Variants in CAST observed in about 807,000 individuals in gnomAD.
CAST encodes the protein calpastatin, also known as MIR583 host.
A neutral mutation model predicts 119.6 loss-of-function variants in CAST; 76 were observed. That is an observed-to-expected ratio of 0.64 (90% confidence interval 0.53 to 0.77). The LOEUF is 0.77. CAST is among the 30% of genes least tolerant of loss of function. The pLI, the probability that CAST is intolerant of heterozygous loss-of-function variation, is 0.00. For synonymous variants in CAST, 319 were observed against 331.6 expected, an observed-to-expected ratio of 0.96 and a Z score of 0.41; for missense variants, 953 against 946.5, an observed-to-expected ratio of 1.01 and a Z score of -0.09.
the CAST span, among the ~76,000 whole-genome samples, chr5:96,431,392 C>T: frequency 1.3e-5 from 2 of 152,182 alleles, no homozygotes; most frequent in Non-Finnish European, 2.9e-5. Context: ...TCCCGAATTC[C>T]CTACTACTTT....
chr5:96,000,127 G>A, the CAST span, among the ~76,000 whole-genome samples: 5 of 151,862 alleles, frequency 3.3e-5, no homozygotes, highest in South Asian at 2.1e-4. Flanking sequence ...AAAATATGTC[G>A]AGATTTTTTT....
the CAST span, among the ~76,000 whole-genome samples, chr5:96,342,826 C>T: frequency 9.2e-5 from 14 of 152,218 alleles, no homozygotes; most frequent in East Asian, 1.5e-3. Context: ...CCTGAGCCTA[C>T]GGGAATCCTG....
At chr5:96,536,465 G>A (rs1745816764) in intron 1 of CAST, among the ~76,000 whole-genome samples, 1 of 152,214 alleles carries the variant, frequency 6.6e-6, no homozygotes, top group Non-Finnish European at 1.5e-5. Context: ...GCGACATGGA[G>A]ATCAATGATG....
At chr5:96,206,631 C>T in the CAST span, among the ~76,000 whole-genome samples, 2 of 151,856 alleles carry the variant, frequency 1.3e-5, no homozygotes, top group African/African-American at 4.8e-5. Flanking sequence ...CGGCTTTATT[C>T]CTGGGCTCTC....
the CAST span, among the ~76,000 whole-genome samples, chr5:96,401,247 TG>T: frequency 9.4e-4 from 143 of 152,178 alleles, no homozygotes; most frequent in Middle Eastern, 6.8e-3. Flanking sequence ...AGGAAAACTT[TG>T]TGGGGGAGAA....
chr5:96,358,000 A>T, the CAST span, among the ~76,000 whole-genome samples: 4 of 152,142 alleles, frequency 2.6e-5, no homozygotes, highest in Non-Finnish European at 4.4e-5. Context: ...TACTGCCTCA[A>T]TTTCAGAACT....
At chr5:95,996,469 C>A in the CAST span, among the ~76,000 whole-genome samples, 1 of 152,108 alleles carries the variant, frequency 6.6e-6, no homozygotes, top group Admixed American at 6.6e-5. Flanking sequence ...ATAATGGCTT[C>A]TTTGGATACT....
chr5:96,044,108 C>T, the CAST span, among the ~76,000 whole-genome samples: 1 of 152,090 alleles, frequency 6.6e-6, no homozygotes, highest in Non-Finnish European at 1.5e-5. Context: ...CTTAGAAAAA[C>T]ACATATATTG....
At chr5:96,098,140 C>T in the CAST span, among the ~76,000 whole-genome samples, 1 of 152,148 alleles carries the variant, frequency 6.6e-6, no homozygotes, top group Non-Finnish European at 1.5e-5. Context: ...AGAGAAGTGT[C>T]TGTTCATGTC....
At chr5:96,090,736 G>A in the CAST span, among the ~76,000 whole-genome samples, 3 of 151,932 alleles carry the variant, frequency 2.0e-5, no homozygotes, top group Middle Eastern at 3.2e-3. Flanking sequence ...TCTGTGGAAT[G>A]GAGTGTGTGT....
chr5:96,373,717 C>T, the CAST span, among the ~76,000 whole-genome samples: 1 of 152,024 alleles, frequency 6.6e-6, no homozygotes, highest in Admixed American at 6.6e-5. Context: ...TTGTGCTGGA[C>T]ATGGAGCATT....
intron 29 of CAST, chr5:96,768,423 A>G (rs373449020): frequency 4.4e-6 from 2 of 456,476 alleles, no homozygotes; most frequent in East Asian, 6.9e-5. Flanking sequence ...AAACGATGAT[A>G]TAGAGAACCT....
chr5:96,463,743 C>G, the CAST span, among the ~76,000 whole-genome samples: 1 of 151,934 alleles, frequency 6.6e-6, no homozygotes, highest in African/African-American at 2.4e-5. Flanking sequence ...CGATTTCACC[C>G]CCTTCCATCT....
chr5:96,547,771 G>C (rs1746045641), intron 1 of CAST, among the ~76,000 whole-genome samples: 2 of 152,174 alleles, frequency 1.3e-5, no homozygotes, highest in African/African-American at 4.8e-5. Context: ...AGTCAAATGG[G>C]GTTGTGATAG....
chr5:96,233,593 A>G, the CAST span, among the ~76,000 whole-genome samples: 6 of 152,128 alleles, frequency 3.9e-5, no homozygotes, highest in African/African-American at 9.7e-5. Context: ...CATAACTGAA[A>G]TCTGGACAGA....
chr5:96,437,501 G>A, the CAST span, among the ~76,000 whole-genome samples: 17 of 152,208 alleles, frequency 1.1e-4, no homozygotes, highest in Admixed American at 3.9e-4. Context: ...TGCCATTTTC[G>A]TATTAAACTC....
chr5:96,309,039 T>C, the CAST span, among the ~76,000 whole-genome samples: 114 of 152,216 alleles, frequency 7.5e-4, no homozygotes, highest in African/African-American at 2.6e-3. Context: ...TATTTAAGTC[T>C]GCTGAAGCTG....
At chr5:96,609,431 A>G (rs1210672034) in intron 1 of CAST, among the ~76,000 whole-genome samples, 1 of 152,230 alleles carries the variant, frequency 6.6e-6, no homozygotes. Context: ...AAACCTTAAC[A>G]TGTACACAAA....
At chr5:96,582,794 G>A (rs1357704370) in intron 1 of CAST, among the ~76,000 whole-genome samples, 2 of 152,022 alleles carry the variant, frequency 1.3e-5, no homozygotes, top group Non-Finnish European at 2.9e-5. Context: ...ACATTCAATG[G>A]AATATATGCC....
Sources: gnomAD v4.1 joint callset for allele counts (sites outside exome capture counted in the v4.1 genomes callset) on GRCh38, gnomAD v4.1.1 for gene constraint, MANE v1.5 for transcripts, NCBI Gene and HGNC (gene_info 2026-07-23, HGNC 2026-07-21) for gene names.